CACNB2: variants seen among roughly 807,000 people sequenced by gnomAD.
CACNB2 encodes the protein voltage-dependent L-type calcium channel subunit beta-2.
CACNB2 carries 42 observed loss-of-function variants against 73.3 expected under a neutral mutation model. The observed-to-expected ratio is 0.57, with a 90% CI of 0.45 to 0.74. The LOEUF (loss-of-function observed/expected upper bound fraction) is 0.74, where lower values mean the gene tolerates loss of function less well. Ranked by LOEUF, CACNB2 falls within the 30% of genes least tolerant of loss-of-function variation. The probability of loss-of-function intolerance (pLI) is 0.00; values close to 1 mark genes in which losing one functional copy is unlikely to be tolerated. For missense variants in CACNB2, 940 were observed against 853.0 expected (o/e 1.10, Z -1.27); for synonymous variants, 348 against 310.3 (o/e 1.12, Z -1.28).
chr10:18,542,522 A>G lies in CACNB2; in HGVS notation c.*2798A>G, dbSNP rs2133353670. ...AGTATTTATCTTACTTGCTGCTATC[A>G]TTAATCCCTTTCAAAAAGTAGTGGT... On this transcript the variant is annotated 3_prime_UTR_variant, in exon 14 of 14. Transcript: ENST00000324631. The G allele has an allele frequency of 6.6e-6, 1 of 152,356 alleles. No homozygotes were observed. The highest frequency in any genetic ancestry group is 1.9e-4 in the East Asian group (1 of 5,192). The allele number at this position is 152,356 out of a possible 1,614,324, so 9.4% of individuals were successfully genotyped here. A position where few individuals can be genotyped will look rare whatever the true frequency, so the allele number is the denominator to read the frequency against.
At chr10:18,295,788 A>G (rs1357271788) in intron 2 of CACNB2, among the ~76,000 whole-genome samples, 1 of 152,160 alleles carries the variant, frequency 6.6e-6, no homozygotes, top group Non-Finnish European at 1.5e-5. Flanking sequence ...TTATTATATT[A>G]TAAAAGTAGA....
intron 3 of CACNB2, among the ~76,000 whole-genome samples, chr10:18,465,217 C>T (rs1054748124): frequency 6.6e-6 from 1 of 152,166 alleles, no homozygotes; most frequent in South Asian, 2.1e-4. Flanking sequence ...GTAGTCCTAG[C>T]TACTCAGAAG....
intron 9 of CACNB2, among the ~76,000 whole-genome samples, chr10:18,524,658 A>C (rs1181642163): frequency 6.7e-6 from 1 of 150,146 alleles, no homozygotes; most frequent in Non-Finnish European, 1.5e-5. Context: ...CTATCTTAAA[A>C]AAAAAAAAAA....
chr10:18,363,344 C>T lies in CACNB2; in HGVS notation c.214-38580C>T, dbSNP rs564686007. On this transcript the variant is annotated intron_variant, in intron 2 of 13. Coordinates refer to ENST00000324631, the MANE Select transcript of CACNB2 (RefSeq NM_201596.3). Reference sequence around the variant, plus strand: ...GTTTCTGTACAAGCACCAAGCAGCACGTCTACTCACTTGAGGATGTCTTGT... The same window carrying T: ...GTTTCTGTACAAGCACCAAGCAGCATGTCTACTCACTTGAGGATGTCTTGT... Among the ~76,000 whole-genome samples, 113 of 152,302 alleles carry T rather than the reference C, an allele frequency of 7.4e-4. 1 individual carries two copies. The South Asian group carries it at 0.02, about 27-fold the overall frequency.
At chr10:18,274,292 G>T (rs1393097221) in intron 2 of CACNB2, among the ~76,000 whole-genome samples, 2 of 152,136 alleles carry the variant, frequency 1.3e-5, no homozygotes, top group Non-Finnish European at 2.9e-5. Context: ...CTTGCAAACT[G>T]TTCAAACTGT....
rs148901237 is a variant in CACNB2 at position 18,300,285 on chromosome 10, C to T, written c.214-101639C>T. Among the ~76,000 whole-genome samples, 18 of 152,226 alleles carry T rather than the reference C, an allele frequency of 1.2e-4. No homozygotes were observed. In the East Asian group the frequency reaches 3.5e-3, roughly 29 times the overall value. On this transcript the variant is annotated intron_variant, in intron 2 of 13. Transcript: ENST00000324631. ...GATCTGCCCACCTCGGCCTCCCAAACTGCTGGGATTATAGGCGTGAGCCAC... is the reference window on the plus strand; with the variant it reads ...GATCTGCCCACCTCGGCCTCCCAAATTGCTGGGATTATAGGCGTGAGCCAC...
chr10:18,438,458 T>C (rs1388319284), intron 3 of CACNB2, among the ~76,000 whole-genome samples: 3 of 152,204 alleles, frequency 2.0e-5, no homozygotes, highest in African/African-American at 4.8e-5. Flanking sequence ...AGAGAACTTA[T>C]GCCCAAAATT....
At chr10:18,434,574 T>C (rs1387671629) in intron 3 of CACNB2, among the ~76,000 whole-genome samples, 1 of 152,218 alleles carries the variant, frequency 6.6e-6, no homozygotes, top group Non-Finnish European at 1.5e-5. Context: ...ATGATTATTA[T>C]ATTTTTTATA....
rs1323291573 is a variant in CACNB2, at chr10:18,272,018, T to C, written c.213+121043T>C. Reference sequence around the variant, plus strand: ...ATTTCCATCTCTTACCATTTTTTTCTTTCTTCCTTTCTTTTTTCTTTTTTT... The same window carrying C: ...ATTTCCATCTCTTACCATTTTTTTCCTTCTTCCTTTCTTTTTTCTTTTTTT... On this transcript the variant is annotated intron_variant, in intron 2 of 13. Coordinates refer to ENST00000324631, the MANE Select transcript of CACNB2 (RefSeq NM_201596.3). Among the ~76,000 whole-genome samples, 3 of 152,270 alleles carry C rather than the reference T, an allele frequency of 2.0e-5. No individual in the cohort carries two copies. In the East Asian group the frequency reaches 5.8e-4, roughly 29 times the overall value.
chr10:18,141,216 G>GT lies in CACNB2; in HGVS notation c.120+361dup, dbSNP rs1477196600. ...GAGTGGACTGGACCTGCTGAAGATC[G>GT]TGAGTCCGGGTGGGCGGGAGGGGGC... On this transcript the variant is annotated intron_variant, in intron 1 of 13. Transcript: ENST00000324631. The GT allele has an allele frequency of 2.1e-5, 23 of 1,109,494 alleles. No individual in the cohort carries two copies. The South Asian group carries it at 2.7e-4, about 13-fold the overall frequency. 68.7% of individuals were successfully genotyped at this position (1,109,494 alleles called of 1,614,324 possible).
At chr10:18,296,088 G>A (rs2039272805) in intron 2 of CACNB2, among the ~76,000 whole-genome samples, 1 of 134,842 alleles carries the variant, frequency 7.4e-6, no homozygotes, top group Non-Finnish European at 1.5e-5. Flanking sequence ...TTTAAGTTAT[G>A]ACTTTATCAG....
chr10:18,251,399 C>A (rs2131554192), intron 2 of CACNB2, among the ~76,000 whole-genome samples: 1 of 152,196 alleles, frequency 6.6e-6, no homozygotes. Flanking sequence ...ACACGCCTGC[C>A]ACAACGCCCA....
intron 2 of CACNB2, chr10:18,261,132 G>A (rs1050497522): frequency 1.4e-5 from 21 of 1,522,832 alleles, no homozygotes; most frequent in Non-Finnish European, 1.7e-5. Context: ...CTACCTAGGA[G>A]GCAGAAGCTA....
At chr10:18,357,962 C>T (rs1244786006) in intron 2 of CACNB2, among the ~76,000 whole-genome samples, 1 of 152,200 alleles carries the variant, frequency 6.6e-6, no homozygotes, top group Non-Finnish European at 1.5e-5. Context: ...TTTGCCTCAT[C>T]TACTATACAA....
At chr10:18,146,058 T>C (rs1235507890) in intron 1 of CACNB2, among the ~76,000 whole-genome samples, 1 of 152,170 alleles carries the variant, frequency 6.6e-6, no homozygotes, top group Non-Finnish European at 1.5e-5. Flanking sequence ...TTGTGTGAAC[T>C]GAGCCATATT....
rs3841459 is a variant in CACNB2, at chr10:18,539,792, C to CAAAAAGTCTTTGCCAAAACAA, written c.*71_*72insAAGTCTTTGCCAAAACAAAAA. Reference sequence around the variant, plus strand: ...TGTATAACTAACAGCATCCCCAAAACAAAGTCTTTGGGGTCTACACTGCAA... The same window carrying CAAAAAGTCTTTGCCAAAACAA: ...TGTATAACTAACAGCATCCCCAAAACAAAAAGTCTTTGCCAAAACAAAAAGTCTTTGGGGTCTACACTGCAA... On this transcript the variant is annotated 3_prime_UTR_variant, in exon 14 of 14. Transcript: ENST00000324631. The CAAAAAGTCTTTGCCAAAACAA allele has an allele frequency of 2.0e-6, 3 of 1,499,362 alleles. No homozygotes were observed. The highest frequency in any genetic ancestry group is 2.7e-6 in the Non-Finnish European group (3 of 1,106,192). 92.9% of individuals were successfully genotyped at this position (1,499,362 alleles called of 1,614,324 possible).
In CACNB2 at chr10:18,272,009, A is replaced by G. The variant is rs546158183; in HGVS notation, c.213+121034A>G. On this transcript the variant is annotated intron_variant, in intron 2 of 13. Transcript: ENST00000324631. ...TCTGTTGTAATTTCCATCTCTTACC[A>G]TTTTTTTCTTTCTTCCTTTCTTTTT... 8.6e-5 allele frequency among the ~76,000 whole-genome samples: 13 copies of G among 151,542 alleles called. No individual in the cohort carries two copies. In the East Asian group the frequency reaches 2.5e-3, roughly 29 times the overall value.
chr10:18,323,344 A>T (rs2040465111), intron 2 of CACNB2, among the ~76,000 whole-genome samples: 1 of 151,884 alleles, frequency 6.6e-6, no homozygotes, highest in African/African-American at 2.4e-5. Context: ...TGTATTTTGT[A>T]TGTAAATGCA....
chr10:18,233,711 C>CTTTT (rs1200470879), intron 2 of CACNB2, among the ~76,000 whole-genome samples: 4 of 152,130 alleles, frequency 2.6e-5, no homozygotes, highest in African/African-American at 2.4e-5. Flanking sequence ...TCTGTCTGAA[C>CTTTT]TTTTATCAGC....
Sources: gnomAD v4.1 joint callset for allele counts (sites outside exome capture counted in the v4.1 genomes callset) on GRCh38, gnomAD v4.1.1 for gene constraint, MANE v1.5 for transcripts, NCBI Gene and HGNC (gene_info 2026-07-23, HGNC 2026-07-21) for gene names.